The following UROC1 variants were observed in gnomAD, a reference collection of about 807,000 sequenced individuals.
UROC1 encodes urocanate hydratase 1.
Under a neutral mutation model 89.5 loss-of-function variants are expected in UROC1, and 79 were observed. The observed-to-expected ratio is 0.88, with a 90% CI of 0.74 to 1.06. The LOEUF (loss-of-function observed/expected upper bound fraction) is 1.06, where lower values mean the gene tolerates loss of function less well. UROC1 is among the 50% of genes least tolerant of loss of function. The pLI is 0.00. For missense variants in UROC1, 885 were observed against 907.8 expected (o/e 0.97, Z 0.32); for synonymous variants, 361 against 354.8 (o/e 1.02, Z -0.20).
chr3:126,504,021 G>A lies in UROC1; in HGVS notation c.876C>T (p.Ser292=). ...TGAGCCTCTGGATGCAGCGGTCCAA[G>A]CTGTCAGTCACTTCCATCAGCCAGC... ...RQGWLMEVTD[S]LDRCIQRLRE... is the part of the protein sequence containing the mutation. Residue 292 remains serine, a synonymous_variant, in exon 9 of 20, where the codon AGC becomes AGT. Transcript: ENST00000290868. 1.9e-6 allele frequency: 3 copies of A among 1,614,142 alleles called. No homozygotes were observed. The highest frequency in any genetic ancestry group is 2.5e-6 in the Non-Finnish European group (3 of 1,180,044).
At position 126,500,788 on chromosome 3, in the gene UROC1, T is replaced by A; in HGVS notation, c.1052A>T (p.Asn351Ile). 6.2e-7 allele frequency: 1 copy of A among 1,614,044 alleles called. No individual in the cohort carries two copies. The highest frequency in any genetic ancestry group is 1.1e-5 in the South Asian group (1 of 91,082). ...SDQTSCHNPF[N>I]GGYYPVQLSF... ...GAGCTGCACAGGGTAGTAGCCGCCA[T>A]TGAACGGGTTGTGGCAGGATGTCTG... Residue 351 changes from asparagine to isoleucine, a missense_variant, in exon 11 of 20, where the codon AAT becomes ATT. Coordinates refer to ENST00000290868, the MANE Select transcript of UROC1 (RefSeq NM_144639.3).
At chr3:126,487,835 C>A (rs1008763820) in intron 18 of UROC1, among the ~76,000 whole-genome samples, 1 of 152,196 alleles carries the variant, frequency 6.6e-6, no homozygotes, top group Non-Finnish European at 1.5e-5. Flanking sequence ...AGGAGAAGAC[C>A]CTGGCCATGA....
intron 13 of UROC1, among the ~76,000 whole-genome samples, 163 bp from the exon 14 acceptor site, chr3:126,498,335 T>C (rs1935832463): frequency 6.6e-6 from 1 of 152,102 alleles, no homozygotes; most frequent in South Asian, 2.1e-4. Context: ...CTGTCCCCTC[T>C]CTGTGTCCCA....
intron 6 of UROC1, among the ~76,000 whole-genome samples, chr3:126,507,158 G>A (rs1481992519): frequency 1.3e-5 from 2 of 152,286 alleles, no homozygotes; most frequent in East Asian, 1.9e-4. Flanking sequence ...GGGGCTGTGC[G>A]AGACCTCTCT....
rs750272479 is a variant in UROC1, at chr3:126,492,378, A to G, written c.1608+40T>C. The G allele has an allele frequency of 7.0e-6, 11 of 1,576,062 alleles. No homozygotes were observed. The Admixed American group carries it at 1.9e-4, about 27-fold the overall frequency. On this transcript the variant is annotated intron_variant, in intron 16 of 19. Transcript: ENST00000290868. ...CCAAGGCAGGAAAGGCAGTGGGAAG[A>G]GGCTGAGGGATGCTTCCCCCAGAGC... is the stretch of plus-strand genomic sequence containing the variant.
At chr3:126,495,998 A>G in intron 15 of UROC1, 40 bp downstream of exon 15, 1 of 1,599,464 alleles carries the variant, frequency 6.3e-7, no homozygotes, top group Non-Finnish European at 8.5e-7. Context: ...GTCTTCTGAC[A>G]GCACAGCCAC....
At position 126,509,643 on chromosome 3, in the gene UROC1, T is replaced by A; in HGVS notation, c.293A>T (p.Lys98Ile). ...CATGTGCATGATGGCGGCAGCCACTTTCGTCTGGCAGGGGTACTGCTCAAT... is the reference window on the plus strand; with the variant it reads ...CATGTGCATGATGGCGGCAGCCACTATCGTCTGGCAGGGGTACTGCTCAAT... ...YPIEQYPCQT[K>I]VAAAIMHMIM... Residue 98 changes from lysine (K) to isoleucine (I), a missense_variant, in exon 3 of 20, where the codon AAA becomes ATA. Physicochemically the swap from Lys to Ile is moderately radical, Grantham distance 102. Transcript: ENST00000290868. 6.4e-7 allele frequency: 1 copy of A among 1,552,298 alleles called. No homozygotes were observed. Among genetic ancestry groups the A allele is most frequent in the Non-Finnish European group, 8.7e-7 (1 of 1,147,268 alleles).
chr3:126,497,654 G>A (rs1015218277), intron 14 of UROC1, among the ~76,000 whole-genome samples: 1 of 152,208 alleles, frequency 6.6e-6, no homozygotes, highest in East Asian at 1.9e-4. Flanking sequence ...TGTGCTGCGG[G>A]CTGCCCAGAA....
intron 9 of UROC1, among the ~76,000 whole-genome samples, chr3:126,502,401 G>C (rs188829400): frequency 2.2e-4 from 33 of 151,944 alleles, no homozygotes; most frequent in Non-Finnish European, 4.6e-4. Context: ...TTTATGTGTT[G>C]TGTGTGCATG....
At position 126,483,468 on chromosome 3, in the gene UROC1, C is replaced by A. The variant is rs1935440117; in HGVS notation, c.1791G>T (p.Trp597Cys). The A allele has an allele frequency of 1.2e-6, 2 of 1,613,744 alleles. No individual in the cohort carries two copies. The highest frequency in any genetic ancestry group is 2.7e-5 in the African/African-American group (2 of 75,072). Residue 597 changes from tryptophan (W) to cysteine (C), a missense_variant and splice_region_variant, in exon 19 of 20, where the codon TGG (tryptophan) becomes TGT (cysteine). Trp to Cys is a radical substitution (Grantham distance 215, BLOSUM62 -2). Coordinates refer to ENST00000290868, the MANE Select transcript of UROC1 (RefSeq NM_144639.3). ...CGAATCCCCCGTTGATCACCTCACC[C>A]CTGCAGGAGGCAGAGGAGTTTCCAG... ...VALHNGGGVGWGEVINGGFGL... is the reference protein window; with the variant it reads ...VALHNGGGVGCGEVINGGFGL...
chr3:126,504,084 CTGGGGCCATGAGACA>C lies in UROC1; in HGVS notation c.814-16_814-2del, dbSNP rs768331621. The C allele has an allele frequency of 9.9e-6, 16 of 1,614,054 alleles. No homozygotes were observed. The highest frequency in any genetic ancestry group is 2.7e-5 in the African/African-American group (2 of 74,950). On this transcript the variant is annotated splice_acceptor_variant and splice_polypyrimidine_tract_variant and intron_variant, in intron 8 of 19. Coordinates refer to ENST00000290868, the MANE Select transcript of UROC1 (RefSeq NM_144639.3). LOFTEE classifies it high-confidence loss of function. The stretch of plus-strand genomic sequence containing the variant: ...GTTTCTCAAGGGCTGCTTTATCCAC[CTGGGGCCATGAGACA>C]TGGGGCCACGAGACATGGGGCCACC...
intron 2 of UROC1, 114 bp from the exon 3 acceptor site, chr3:126,509,792 A>C (rs1436217644): frequency 1.0e-6 from 1 of 982,540 alleles, no homozygotes; most frequent in African/African-American, 1.6e-5. Flanking sequence ...CGGGGCCTGC[A>C]GAACTAGCTA....
chr3:126,481,199 T>C lies in UROC1; in HGVS notation c.*1146A>G, dbSNP rs1935373118. On this transcript the variant is annotated 3_prime_UTR_variant, in exon 20 of 20. Transcript: ENST00000290868. ...TCCATTTTATTAGAAAAACGACGGC[T>C]CTCAAGAAGCCCTGCCCCACAGACC... The C allele has an allele frequency of 6.6e-6, 1 of 151,232 alleles. No homozygotes were observed. The highest frequency in any genetic ancestry group is 6.7e-5 in the Admixed American group (1 of 14,998). The allele number at this position is 151,232 out of a possible 1,614,324, so 9.4% of individuals were successfully genotyped here.
At chr3:126,486,498 G>A (rs915895724) in intron 18 of UROC1, among the ~76,000 whole-genome samples, 6 of 152,240 alleles carry the variant, frequency 3.9e-5, no homozygotes, top group African/African-American at 9.6e-5. Context: ...CTGTTTAAAC[G>A]TGAGCGCTGG....
intron 10 of UROC1, 110 bp from the exon 11 acceptor site, chr3:126,500,984 G>C: frequency 6.8e-7 from 1 of 1,476,754 alleles, no homozygotes; most frequent in Non-Finnish European, 9.3e-7. Flanking sequence ...AATCCAGCAG[G>C]CACAGCCCGA....
In UROC1 at chr3:126,517,681, C is replaced by A. The variant is rs1484615337; in HGVS notation, c.39G>T (p.Leu13=). ...SLQALCSGLP[L]RPLPENRGRQ... ...GTCCCCGGTTCTCTGGGAGGGGCCGCAGGGGCAGGCCAGAGCACAGCGCCT... is the reference window on the plus strand; with the variant it reads ...GTCCCCGGTTCTCTGGGAGGGGCCGAAGGGGCAGGCCAGAGCACAGCGCCT... The change falls in exon 1 of 20, where the codon CTG becomes CTT. Residue 13 remains leucine, a synonymous_variant. Transcript: ENST00000290868. 6.2e-7 allele frequency: 1 copy of A among 1,600,568 alleles called. No individual in the cohort carries two copies. The highest frequency in any genetic ancestry group is 2.3e-5 in the East Asian group (1 of 44,168).
At chr3:126,502,566 ATGTTTG>A (rs1326003491) in intron 9 of UROC1, among the ~76,000 whole-genome samples, 1 of 146,042 alleles carries the variant, frequency 6.8e-6, no homozygotes, top group Non-Finnish European at 1.5e-5. Flanking sequence ...GTGTTTATGC[ATGTTTG>A]TGTTTGTGTG....
intron 9 of UROC1, among the ~76,000 whole-genome samples, chr3:126,502,167 T>C (rs1668166182): frequency 6.6e-6 from 1 of 152,112 alleles, no homozygotes; most frequent in Non-Finnish European, 1.5e-5. Flanking sequence ...TGAGAATATA[T>C]GTTATGGGCA....
At chr3:126,497,307 C>G (rs17691504) in intron 14 of UROC1, among the ~76,000 whole-genome samples, 38,718 of 152,198 alleles carry the variant, frequency 0.25, 5,375 homozygotes, top group Non-Finnish European at 0.31. Flanking sequence ...GGGGTAAGAA[C>G]TGCAACAACA....
Sources: gnomAD v4.1 joint callset for allele counts (sites outside exome capture counted in the v4.1 genomes callset) on GRCh38, gnomAD v4.1.1 for gene constraint, MANE v1.5 for transcripts, NCBI Gene and HGNC (gene_info 2026-07-23, HGNC 2026-07-21) for gene names.